The following SYCP1 variants were observed in gnomAD, a reference collection of about 807,000 sequenced individuals.
The protein encoded by SYCP1 is cancer/testis antigen 8.
Under a neutral mutation model 153.1 loss-of-function variants are expected in SYCP1, and 64 were observed. That is an observed-to-expected ratio of 0.42 (90% CI 0.34 to 0.51). The LOEUF (loss-of-function observed/expected upper bound fraction) is 0.51, where lower values mean the gene tolerates loss of function less well. Ranked by LOEUF, SYCP1 falls within the 20% of genes least tolerant of loss-of-function variation. The probability of loss-of-function intolerance (pLI) is 0.06; values close to 1 mark genes in which losing one functional copy is unlikely to be tolerated. For synonymous variants in SYCP1, 384 were observed against 341.8 expected (o/e 1.12, Z -1.36); for missense variants, 997 against 1,049.0 (o/e 0.95, Z 0.68).
intron 16 of SYCP1, among the ~76,000 whole-genome samples, chr1:114,898,054 C>T (rs931768366): frequency 2.0e-5 from 3 of 152,198 alleles, no homozygotes; most frequent in East Asian, 3.9e-4. Flanking sequence ...GGAAGCTTGG[C>T]TTAATTGGCA....
intron 12 of SYCP1, among the ~76,000 whole-genome samples, chr1:114,880,627 T>C (rs1665856980): frequency 6.6e-6 from 1 of 152,238 alleles, no homozygotes; most frequent in South Asian, 2.1e-4. Context: ...AAAAGTAAGC[T>C]GGCTTTTCTG....
At chr1:114,944,540 T>G in intron 24 of SYCP1, 85 bp downstream of exon 24, 1 of 817,150 alleles carries the variant, frequency 1.2e-6, no homozygotes, top group Admixed American at 3.1e-5. Context: ...TAAAAAAATC[T>G]TAACTATTAA....
At chr1:114,864,369 A>G (rs1421694159) in intron 8 of SYCP1, among the ~76,000 whole-genome samples, 1 of 152,152 alleles carries the variant, frequency 6.6e-6, no homozygotes, top group Non-Finnish European at 1.5e-5. Flanking sequence ...CCCAGAGATG[A>G]GAGCCTGTTC....
At chr1:114,980,762 TTTG>T (rs1673098901) in intron 28 of SYCP1, among the ~76,000 whole-genome samples, 2 of 151,958 alleles carry the variant, frequency 1.3e-5, no homozygotes, top group African/African-American at 4.8e-5. Flanking sequence ...AGATATCTTA[TTTG>T]TTTTCATTTT....
At chr1:114,867,425 G>A (rs1351359820) in intron 8 of SYCP1, among the ~76,000 whole-genome samples, 1 of 151,914 alleles carries the variant, frequency 6.6e-6, no homozygotes, top group Non-Finnish European at 1.5e-5. Context: ...TTATTTGATT[G>A]TTTTCATCAA....
At chr1:114,886,580 G>A (rs1345228700) in intron 14 of SYCP1, among the ~76,000 whole-genome samples, 2 of 152,036 alleles carry the variant, frequency 1.3e-5, no homozygotes, top group Non-Finnish European at 2.9e-5. Flanking sequence ...ACTCATGAAA[G>A]GTTGATGCAG....
At chr1:114,974,637 G>A (rs992006093) in intron 27 of SYCP1, among the ~76,000 whole-genome samples, 2 of 151,724 alleles carry the variant, frequency 1.3e-5, no homozygotes, top group African/African-American at 4.8e-5. Context: ...TGTCCTCGAG[G>A]TTTATCTATG....
chr1:114,934,352 CA>C (rs1220392525), intron 23 of SYCP1, among the ~76,000 whole-genome samples: 1 of 152,142 alleles, frequency 6.6e-6, no homozygotes, highest in Non-Finnish European at 1.5e-5. Flanking sequence ...TACAGACAAG[CA>C]AATGCTGAGA....
intron 11 of SYCP1, among the ~76,000 whole-genome samples, chr1:114,877,298 G>C (rs1665608819): frequency 1.3e-5 from 2 of 152,036 alleles, no homozygotes; most frequent in South Asian, 4.1e-4. Context: ...TGGAAGACTT[G>C]AAAATGTTAA....
chr1:114,923,716 T>C (rs1669063722), intron 21 of SYCP1, 186 bp downstream of exon 21: 1 of 421,068 alleles, frequency 2.4e-6, no homozygotes. Flanking sequence ...TATCTATATC[T>C]AGAAGAAATA....
intron 8 of SYCP1, among the ~76,000 whole-genome samples, chr1:114,873,668 A>G (rs375045933): frequency 1.3e-5 from 2 of 152,178 alleles, no homozygotes; most frequent in South Asian, 2.1e-4. Flanking sequence ...TGTTTTTCCT[A>G]TGTTCATTGT....
intron 27 of SYCP1, among the ~76,000 whole-genome samples, chr1:114,968,219 T>C (rs1321661154): frequency 6.6e-6 from 1 of 152,214 alleles, no homozygotes; most frequent in Non-Finnish European, 1.5e-5. Flanking sequence ...ATTTGAATGT[T>C]GGCCTGTCTT....
intron 23 of SYCP1, among the ~76,000 whole-genome samples, chr1:114,931,086 TA>T (rs899914844): frequency 1.3e-4 from 19 of 149,406 alleles, no homozygotes; most frequent in East Asian, 9.8e-4. Flanking sequence ...TATTCATGAT[TA>T]AAAAAAAAAC....
In SYCP1 at chr1:114,887,703, A is replaced by G; in HGVS notation, c.1258+10A>G. On this transcript the variant is annotated intron_variant, in intron 15 of 31. Transcript: ENST00000369522. ...AAATCAAGTGAGCTGGGTAAGACTT[A>G]GAGAATAATGTGTGTACTTTAATAA... The G allele has an allele frequency of 2.7e-6, 4 of 1,501,664 alleles. No homozygotes were observed. The highest frequency in any genetic ancestry group is 3.6e-6 in the Non-Finnish European group (4 of 1,112,798). 93.0% of individuals were successfully genotyped at this position (1,501,664 alleles called of 1,614,324 possible). A position where few individuals can be genotyped will look rare whatever the true frequency, so the allele number is the denominator to read the frequency against.
At chr1:114,910,619 T>C (rs1181204448) in intron 17 of SYCP1, 118 bp downstream of exon 17, 1 of 586,078 alleles carries the variant, frequency 1.7e-6, no homozygotes, top group African/African-American at 2.0e-5. Context: ...TTTCCAAGCA[T>C]TTATTATTAC....
chr1:114,914,109 CTTG>C (rs1668359747), intron 20 of SYCP1, 64 bp downstream of exon 20: 4 of 1,265,458 alleles, frequency 3.2e-6, no homozygotes, highest in South Asian at 3.1e-5. Context: ...TTTCTATTAA[CTTG>C]TTATCATTAA....
At chr1:114,994,444 A>G (rs948411114) in intron 30 of SYCP1, among the ~76,000 whole-genome samples, 1 of 151,396 alleles carries the variant, frequency 6.6e-6, no homozygotes, top group Non-Finnish European at 1.5e-5. Flanking sequence ...GCCTTTCAGT[A>G]ATACAGTTAA....
At chr1:114,921,802 T>C (rs1668908213) in intron 20 of SYCP1, among the ~76,000 whole-genome samples, 1 of 152,216 alleles carries the variant, frequency 6.6e-6, no homozygotes, top group South Asian at 2.1e-4. Flanking sequence ...AAGAACTCTC[T>C]TTACCATTTC....
chr1:114,881,650 T>A (rs1440879939), intron 12 of SYCP1, among the ~76,000 whole-genome samples: 1 of 151,962 alleles, frequency 6.6e-6, no homozygotes, highest in Non-Finnish European at 1.5e-5. Context: ...TACAGGCAGA[T>A]GCCACCACAC....
Sources: gnomAD v4.1 joint callset for allele counts (sites outside exome capture counted in the v4.1 genomes callset) on GRCh38, gnomAD v4.1.1 for gene constraint, MANE v1.5 for transcripts, NCBI Gene and HGNC (gene_info 2026-07-23, HGNC 2026-07-21) for gene names.